SGCZ: variants seen among roughly 807,000 people sequenced by gnomAD.
The protein encoded by SGCZ is zeta-sarcoglycan.
SGCZ carries 40 observed loss-of-function variants against 41.3 expected under a neutral mutation model. That is an observed-to-expected ratio of 0.97 (90% CI 0.75 to 1.26). The LOEUF (loss-of-function observed/expected upper bound fraction) is 1.26, where lower values mean the gene tolerates loss of function less well. Ranked by LOEUF, SGCZ falls within the 50% of genes most tolerant of loss-of-function variation. The pLI is 0.00. For synonymous variants in SGCZ, 206 were observed against 137.5 expected (o/e 1.50, Z -3.49); for missense variants, 552 against 369.8 (o/e 1.49, Z -4.04).
intron 1 of SGCZ, among the ~76,000 whole-genome samples, chr8:15,137,786 A>G (rs1026687366): frequency 1.3e-5 from 2 of 152,218 alleles, no homozygotes; most frequent in Non-Finnish European, 2.9e-5. Context: ...TGCTGCAGAG[A>G]TGGATCCCTC....
At chr8:14,672,069 C>A (rs560999445) in intron 1 of SGCZ, among the ~76,000 whole-genome samples, 2 of 152,198 alleles carry the variant, frequency 1.3e-5, no homozygotes, top group South Asian at 4.1e-4. Flanking sequence ...GGACTCATTT[C>A]ATTTAGGAAA....
chr8:14,177,096 G>A (rs1011185543), intron 4 of SGCZ, among the ~76,000 whole-genome samples: 18 of 152,128 alleles, frequency 1.2e-4, no homozygotes, highest in African/African-American at 4.1e-4. Context: ...AGCATCTGTG[G>A]GGGAAATCCT....
intron 1 of SGCZ, among the ~76,000 whole-genome samples, chr8:14,661,419 C>G (rs1053005155): frequency 3.3e-5 from 5 of 152,038 alleles, no homozygotes; most frequent in African/African-American, 1.2e-4. Flanking sequence ...TTTCCTCTTA[C>G]AATTAAAATG....
chr8:14,311,852 C>G (rs911425679), intron 3 of SGCZ, among the ~76,000 whole-genome samples: 2 of 152,036 alleles, frequency 1.3e-5, no homozygotes, highest in Admixed American at 6.6e-5. Flanking sequence ...TCACTGGGCA[C>G]TTAATATATA....
At chr8:14,838,665 G>A (rs1802789234) in intron 1 of SGCZ, among the ~76,000 whole-genome samples, 1 of 152,108 alleles carries the variant, frequency 6.6e-6, no homozygotes, top group South Asian at 2.1e-4. Flanking sequence ...TTCCTTTTCT[G>A]CTACCTGGAC....
At chr8:14,225,382 T>G (rs1216835306) in intron 4 of SGCZ, among the ~76,000 whole-genome samples, 2 of 152,100 alleles carry the variant, frequency 1.3e-5, no homozygotes, top group African/African-American at 4.8e-5. Context: ...TCAGCAAATA[T>G]GAAATATTAG....
chr8:14,523,384 A>G (rs1336808774), intron 2 of SGCZ, among the ~76,000 whole-genome samples: 1 of 151,970 alleles, frequency 6.6e-6, no homozygotes. Context: ...CCTCCATCTG[A>G]TAATGTCTTA....
At chr8:14,670,263 G>A (rs1406787017) in intron 1 of SGCZ, among the ~76,000 whole-genome samples, 1 of 152,002 alleles carries the variant, frequency 6.6e-6, no homozygotes, top group Non-Finnish European at 1.5e-5. Context: ...GATCCACTAT[G>A]GTTGGTGATA....
Position 14,443,279 on chromosome 8 carries a change from G to A in SGCZ, c.234+111453C>T, listed in dbSNP as rs938757739. Among the ~76,000 whole-genome samples, 14 of 151,978 alleles carry A rather than the reference G, an allele frequency of 9.2e-5. 1 individual carries two copies. Among genetic ancestry groups the A allele is most frequent in the Admixed American group, 5.9e-4 (9 of 15,232 alleles). ...CAATGCCATCCCCATCAAGCTACCA[G>A]TGACTTTCTTCACAGAATTGGAAAA... On this transcript the variant is annotated intron_variant, in intron 2 of 7. Transcript: ENST00000382080.
chr8:15,040,587 C>T (rs1025346762), intron 1 of SGCZ, among the ~76,000 whole-genome samples: 3 of 152,168 alleles, frequency 2.0e-5, no homozygotes, highest in Non-Finnish European at 2.9e-5. Context: ...CACCATTGCA[C>T]TCCAGCCTGG....
At chr8:14,539,927 A>G (rs1460345356) in intron 2 of SGCZ, among the ~76,000 whole-genome samples, 2 of 152,050 alleles carry the variant, frequency 1.3e-5, no homozygotes, top group Admixed American at 6.6e-5. Flanking sequence ...GAGGTGGACC[A>G]GTAGATGAGA....
At chr8:14,420,374 C>G (rs1217396329) in intron 2 of SGCZ, among the ~76,000 whole-genome samples, 1 of 152,030 alleles carries the variant, frequency 6.6e-6, no homozygotes, top group East Asian at 1.9e-4. Flanking sequence ...TTGCTATTTG[C>G]AACAAAGTCT....
intron 1 of SGCZ, among the ~76,000 whole-genome samples, chr8:14,610,843 T>C (rs1294118944): frequency 6.6e-6 from 1 of 152,178 alleles, no homozygotes; most frequent in Non-Finnish European, 1.5e-5. Flanking sequence ...ATTGTAAAGC[T>C]AAAGAATGGA....
At chr8:14,419,544 G>T (rs995870629) in intron 2 of SGCZ, among the ~76,000 whole-genome samples, 7 of 151,616 alleles carry the variant, frequency 4.6e-5, no homozygotes, top group African/African-American at 1.7e-4. Flanking sequence ...TAACTAGTCA[G>T]CAGACAAAAA....
chr8:15,165,673 G>A (rs10097670), intron 1 of SGCZ, among the ~76,000 whole-genome samples: 34,258 of 152,136 alleles, frequency 0.23, 4,680 homozygotes, highest in East Asian at 0.68. Context: ...CAAGGTGTAT[G>A]AGAACAGTAA....
At chr8:14,808,437 C>A (rs1256581764) in intron 1 of SGCZ, among the ~76,000 whole-genome samples, 1 of 152,196 alleles carries the variant, frequency 6.6e-6, no homozygotes, top group African/African-American at 2.4e-5. Context: ...TGAACAGACA[C>A]TTCTCAAAAG....
intron 1 of SGCZ, among the ~76,000 whole-genome samples, chr8:15,181,754 A>G (rs1390207969): frequency 6.6e-6 from 1 of 152,206 alleles, no homozygotes; most frequent in East Asian, 1.9e-4. Context: ...ACCTACATAC[A>G]TTTGTGTTTC....
chr8:14,209,870 G>C (rs1029564214), intron 4 of SGCZ, among the ~76,000 whole-genome samples: 3 of 70,690 alleles, frequency 4.2e-5, no homozygotes, highest in Non-Finnish European at 7.9e-5. Context: ...GTATGATTAA[G>C]TAAAATATAA....
intron 2 of SGCZ, among the ~76,000 whole-genome samples, chr8:14,501,214 T>C (rs1802143660): frequency 6.6e-6 from 1 of 151,788 alleles, no homozygotes; most frequent in Non-Finnish European, 1.5e-5. Flanking sequence ...ACTCTTCTGC[T>C]TGCCTCTTCT....
Sources: gnomAD v4.1 joint callset for allele counts (sites outside exome capture counted in the v4.1 genomes callset) on GRCh38, gnomAD v4.1.1 for gene constraint, MANE v1.5 for transcripts, NCBI Gene and HGNC (gene_info 2026-07-23, HGNC 2026-07-21) for gene names.